HAUS6: variants seen among roughly 807,000 people sequenced by gnomAD.
The protein encoded by HAUS6 is HAUS augmin like complex subunit 6.
HAUS6 carries 80 observed loss-of-function variants against 106.8 expected under a neutral mutation model. The observed-to-expected ratio is 0.75, with a 90% CI of 0.63 to 0.90. HAUS6 has a LOEUF of 0.90. Ranked by LOEUF, HAUS6 falls within the 40% of genes least tolerant of loss-of-function variation. The pLI is 0.00. For synonymous variants in HAUS6, 356 were observed against 379.1 expected, an observed-to-expected ratio of 0.94 and a Z score of 0.71; for missense variants, 1,155 against 1,118.1, an observed-to-expected ratio of 1.03 and a Z score of -0.47.
intron 16 of HAUS6, 185 bp downstream of exon 16, chr9:19,057,776 A>G: frequency 1.6e-5 from 8 of 498,160 alleles, no homozygotes; most frequent in Non-Finnish European, 3.5e-6. Context: ...AATTGTAACT[A>G]TATATACATA....
chr9:19,066,506 T>C (rs1480690925), intron 12 of HAUS6, among the ~76,000 whole-genome samples: 1 of 152,138 alleles, frequency 6.6e-6, no homozygotes, highest in Non-Finnish European at 1.5e-5. Context: ...AAATGTGGTA[T>C]AGGAGAAAAC....
intron 11 of HAUS6, among the ~76,000 whole-genome samples, chr9:19,071,089 T>C (rs985817837): frequency 2.0e-5 from 3 of 152,160 alleles, no homozygotes; most frequent in Non-Finnish European, 4.4e-5. Context: ...TCCCCATTTG[T>C]ACATGTCCAA....
chr9:19,059,874 A>C (rs776855735), intron 15 of HAUS6, among the ~76,000 whole-genome samples: 1 of 152,228 alleles, frequency 6.6e-6, no homozygotes, highest in Non-Finnish European at 1.5e-5. Flanking sequence ...ATTGTACATT[A>C]TCAAAATTTT....
At chr9:19,077,366 CTCTA>C (rs1837032155) in intron 10 of HAUS6, among the ~76,000 whole-genome samples, 3 of 152,090 alleles carry the variant, frequency 2.0e-5, no homozygotes, top group Admixed American at 2.0e-4. Context: ...AAAACCCCAT[CTCTA>C]CTGAAAATAG....
rs1386036468 is a variant in HAUS6, at chr9:19,058,078, G to A, written c.2689C>T (p.Arg897Cys). 9.3e-6 allele frequency: 15 copies of A among 1,613,760 alleles called. No individual in the cohort carries two copies. The highest frequency in any genetic ancestry group is 8.9e-5 in the East Asian group (4 of 44,892). Residue 897 changes from arginine to cysteine, a missense_variant, in exon 16 of 17, where the codon CGC becomes TGC. Transcript: ENST00000380502. ...LHTEHIKPSL[R>C]TSIGERKRSL... ...CGTTTTCTTTCACCGATGGACGTGC[G>A]TAAAGATGGCTTTATATGCTCAGTA...
intron 12 of HAUS6, among the ~76,000 whole-genome samples, chr9:19,068,581 C>T (rs7854858): frequency 0.32 from 48,206 of 151,934 alleles, 9,173 homozygotes; most frequent in African/African-American, 0.54. Flanking sequence ...ACTAAGATGG[C>T]ATAGAATGAT....
rs528731650 is a variant in HAUS6 at position 19,081,971 on chromosome 9, T to C, written c.870+902A>G. On this transcript the variant is annotated intron_variant, in intron 8 of 16. Coordinates refer to ENST00000380502, the MANE Select transcript of HAUS6 (RefSeq NM_017645.5). ...TTGTATCTCTCCAGTATATAATAGA[T>C]GCTTGATGAATTGTGTTTTCTAAGA... 1.4e-4 allele frequency among the ~76,000 whole-genome samples: 21 copies of C among 152,326 alleles called. No individual in the cohort carries two copies. In the South Asian group the frequency reaches 4.3e-3, roughly 32 times the overall value.
intron 5 of HAUS6, 67 bp downstream of exon 5, chr9:19,089,345 G>A (rs1817696127): frequency 2.0e-6 from 2 of 1,002,688 alleles, no homozygotes; most frequent in South Asian, 1.4e-5. Flanking sequence ...TATTTCTCCT[G>A]ACATTATATT....
At chr9:19,078,138 G>T (rs1293026183) in intron 10 of HAUS6, 38 bp downstream of exon 10, 8 of 1,543,022 alleles carry the variant, frequency 5.2e-6, no homozygotes, top group Non-Finnish European at 7.0e-6. Context: ...AAAAAAGGTG[G>T]GTGGCGGGGA....
At chr9:19,068,059 A>G (rs1370134185) in intron 12 of HAUS6, among the ~76,000 whole-genome samples, 1 of 151,792 alleles carries the variant, frequency 6.6e-6, no homozygotes, top group Non-Finnish European at 1.5e-5. Context: ...ATATATATTA[A>G]TCTAGTATCC....
intron 4 of HAUS6, 148 bp downstream of exon 4, chr9:19,093,023 C>T: frequency 1.7e-6 from 1 of 592,476 alleles, no homozygotes; most frequent in South Asian, 2.5e-5. Flanking sequence ...AGTACACTTC[C>T]AGTAGAATAT....
intron 9 of HAUS6, among the ~76,000 whole-genome samples, chr9:19,079,120 C>T (rs533386885): frequency 1.1e-4 from 16 of 144,668 alleles, no homozygotes; most frequent in Admixed American, 8.4e-4. Flanking sequence ...GCCGAGATTG[C>T]GCTATTGTGC....
intron 10 of HAUS6, among the ~76,000 whole-genome samples, chr9:19,077,099 C>A (rs1008969608): frequency 6.6e-6 from 1 of 152,182 alleles, no homozygotes. Context: ...CTGCCTCTGC[C>A]TCCCAAAACA....
intron 1 of HAUS6, among the ~76,000 whole-genome samples, chr9:19,100,574 C>A (rs1817966863): frequency 6.6e-6 from 1 of 152,096 alleles, no homozygotes; most frequent in South Asian, 2.1e-4. Context: ...AATCCCACTG[C>A]TGGGTATATA....
At chr9:19,060,540 C>T (rs556513596) in intron 14 of HAUS6, among the ~76,000 whole-genome samples, 1 of 152,238 alleles carries the variant, frequency 6.6e-6, no homozygotes, top group Admixed American at 6.5e-5. Flanking sequence ...AAGCTGCTGT[C>T]TGCCACAACT....
In HAUS6 at chr9:19,070,772, C is replaced by T. The variant is rs552659238; in HGVS notation, c.1295-472G>A. On this transcript the variant is annotated intron_variant, in intron 11 of 16. Coordinates refer to ENST00000380502, the MANE Select transcript of HAUS6 (RefSeq NM_017645.5). ...AAATGAAAGATGGAAATGTTGCCTC[C>T]GAAGAGTCAGTCTAGGAAAGGATAG... 2.2e-4 allele frequency among the ~76,000 whole-genome samples: 33 copies of T among 152,254 alleles called. No homozygotes were observed. The South Asian group carries it at 6.0e-3, about 28-fold the overall frequency.
At chr9:19,095,269 TCA>T (rs1386414794) in intron 2 of HAUS6, among the ~76,000 whole-genome samples, 1 of 152,136 alleles carries the variant, frequency 6.6e-6, no homozygotes, top group African/African-American at 2.4e-5. Context: ...TGCTTTCCTT[TCA>T]CAGTCAGGCT....
intron 1 of HAUS6, among the ~76,000 whole-genome samples, chr9:19,099,792 G>A (rs1470940323): frequency 1.3e-5 from 2 of 152,182 alleles, no homozygotes; most frequent in Non-Finnish European, 2.9e-5. Flanking sequence ...GCTCATGTCT[G>A]TAATCCCAGC....
Position 19,058,331 on chromosome 9 carries a change from A to G in HAUS6, c.2436T>C (p.Leu812=). ...GTCTCCCTCCCACAACATCTTCTAG[A>G]AGAGTGCCACCATGCATAGGACTAT... ...EPNSPMHGGT[L]LEDVVGGRQT... Residue 812 remains leucine (L), a synonymous_variant, in exon 16 of 17, where the codon CTT becomes CTC. Transcript: ENST00000380502. 1 of 1,613,864 alleles carries G rather than the reference A, an allele frequency of 6.2e-7. No homozygotes were observed. Among genetic ancestry groups the G allele is most frequent in the South Asian group, 1.1e-5 (1 of 91,070 alleles).
Sources: allele counts gnomAD v4.1 joint callset (sites outside exome capture counted in the v4.1 genomes callset), GRCh38; gene constraint gnomAD v4.1.1; transcripts MANE v1.5; gene names NCBI Gene and HGNC (gene_info 2026-07-23, HGNC 2026-07-21).